Variants in PRKDC observed in about 807,000 individuals in gnomAD.
PRKDC encodes protein kinase, DNA-activated, catalytic subunit, also known as DNA-dependent protein kinase catalytic subunit.
Under a neutral mutation model 486.9 loss-of-function variants are expected in PRKDC, and 82 were observed. That is an observed-to-expected ratio of 0.17 (90% CI 0.14 to 0.20). PRKDC has a LOEUF of 0.20. Among genes scored for constraint, PRKDC ranks in the 10% least tolerant of loss-of-function variants. The probability of loss-of-function intolerance (pLI) is 1.00; values close to 1 mark genes in which losing one functional copy is unlikely to be tolerated. For missense variants in PRKDC, 4,504 were observed against 5,038.2 expected, an observed-to-expected ratio of 0.89 and a Z score of 3.21; for synonymous variants, 1,895 against 1,837.0, an observed-to-expected ratio of 1.03 and a Z score of -0.81.
At chr8:47,930,200 A>C (rs1228936790) in intron 17 of PRKDC, among the ~76,000 whole-genome samples, 188 bp from the exon 18 acceptor site, 3 of 152,204 alleles carry the variant, frequency 2.0e-5, no homozygotes, top group Non-Finnish European at 4.4e-5. Context: ...AAAAATGAAA[A>C]CTGTAACCTA....
At chr8:47,803,042 C>T (rs768346844) in intron 70 of PRKDC, among the ~76,000 whole-genome samples, 2 of 152,194 alleles carry the variant, frequency 1.3e-5, no homozygotes, top group Admixed American at 6.5e-5. Context: ...CCACCTCGGT[C>T]GCCCAAATTG....
rs1027614591 is a variant in PRKDC, at chr8:47,780,941, A to G, written c.11489+1221T>C. On this transcript the variant is annotated intron_variant, in intron 80 of 85. Transcript: ENST00000314191. The stretch of plus-strand genomic sequence containing the variant: ...GATAGAGAGAGACTCTGTCTCAAAA[A>G]AACAAAACACTGTAACATGCTGAAT... Among the ~76,000 whole-genome samples the G allele has an allele frequency of 2.0e-5, 3 of 152,212 alleles. No homozygotes were observed. In the South Asian group the frequency reaches 6.2e-4, roughly 32 times the overall value.
intron 10 of PRKDC, among the ~76,000 whole-genome samples, chr8:47,941,923 G>A (rs1053688213): frequency 2.6e-5 from 4 of 152,258 alleles, no homozygotes; most frequent in East Asian, 1.9e-4. Context: ...TGGCAAGGAT[G>A]TGAAACAGAG....
intron 25 of PRKDC, among the ~76,000 whole-genome samples, chr8:47,911,095 C>G (rs551146899): frequency 6.6e-6 from 1 of 152,106 alleles, no homozygotes; most frequent in African/African-American, 2.4e-5. Context: ...TCTTATCTTA[C>G]AGTATTGAAT....
At chr8:47,950,546 G>T (rs962066333) in intron 7 of PRKDC, among the ~76,000 whole-genome samples, 1 of 149,684 alleles carries the variant, frequency 6.7e-6, no homozygotes, top group Non-Finnish European at 1.5e-5. Flanking sequence ...GGAGAATGGC[G>T]TGAACCCGGA....
intron 32 of PRKDC, among the ~76,000 whole-genome samples, chr8:47,890,032 T>C (rs1383096176): frequency 6.6e-6 from 1 of 152,116 alleles, no homozygotes; most frequent in Non-Finnish European, 1.5e-5. Flanking sequence ...TTTTGACATA[T>C]AACTTCTGAC....
chr8:47,900,531 GA>G, intron 27 of PRKDC, 64 bp from the exon 28 acceptor site: 1 of 1,404,046 alleles, frequency 7.1e-7, no homozygotes. Context: ...ACAAAGAAAA[GA>G]AGGAATGGAA....
chr8:47,957,153 A>G lies in PRKDC; in HGVS notation c.324+18T>C. On this transcript the variant is annotated intron_variant, in intron 3 of 85. Transcript: ENST00000314191. ...ATGTTGATATATAATGTAATAAGGT[A>G]TGTTTTTTAATTCTTACCTTAATTT... The G allele has an allele frequency of 6.8e-7, 1 of 1,481,014 alleles. No individual in the cohort carries two copies. The allele number at this position is 1,481,014 out of a possible 1,614,324, so 91.7% of individuals were successfully genotyped here.
chr8:47,873,743 A>G (rs1440547096), intron 40 of PRKDC, among the ~76,000 whole-genome samples: 1 of 152,182 alleles, frequency 6.6e-6, no homozygotes, highest in Admixed American at 6.5e-5. Context: ...CTTATGTGAA[A>G]TAAGTAAGGC....
In PRKDC at chr8:47,934,985, C is replaced by T. The variant is rs779455060; in HGVS notation, c.1497+24G>A. On this transcript the variant is annotated intron_variant, in intron 14 of 85. Coordinates refer to ENST00000314191, the MANE Select transcript of PRKDC (RefSeq NM_006904.7). Reference sequence around the variant, plus strand: ...CTTTCAGTGATAACAGATTAATTTTCTAAACATTAAATTCAGAATTTACCT... The same window carrying T: ...CTTTCAGTGATAACAGATTAATTTTTTAAACATTAAATTCAGAATTTACCT... 35 of 1,480,092 alleles carry T rather than the reference C, an allele frequency of 2.4e-5. 2 individuals are homozygous for T. The South Asian group carries it at 4.5e-4, about 19-fold the overall frequency. 91.7% of individuals were successfully genotyped at this position (1,480,092 alleles called of 1,614,324 possible).
Position 47,849,231 on chromosome 8 carries a change from T to C in PRKDC, c.7203A>G (p.Val2401=), listed in dbSNP as rs747655918. ...CTGTCATTCCCTCCACACGACAAAG[T>C]ACCACCTCCAGACAGAGTGTTTTCA... ...GVLKTLCLEV[V]LCRVEGMTEL... The change falls in exon 54 of 86, where the codon GTA becomes GTG. Residue 2401 remains valine (V), a synonymous_variant. Coordinates refer to ENST00000314191, the MANE Select transcript of PRKDC (RefSeq NM_006904.7). 2 of 1,614,010 alleles carry C rather than the reference T, an allele frequency of 1.2e-6. No homozygotes were observed. Among genetic ancestry groups the C allele is most frequent in the Non-Finnish European group, 1.7e-6 (2 of 1,179,892 alleles).
At chr8:47,902,008 T>A (rs1015624468) in intron 27 of PRKDC, among the ~76,000 whole-genome samples, 1 of 152,118 alleles carries the variant, frequency 6.6e-6, no homozygotes, top group African/African-American at 2.4e-5. Flanking sequence ...TCTAAATGCA[T>A]CTCTCCCTGC....
At position 47,935,821 on chromosome 8, in the gene PRKDC, A is replaced by G. The variant is rs760725135; in HGVS notation, c.1358T>C (p.Met453Thr). ...IDSFPQYSPK[M>T]QLVCCRAIVK... is the part of the protein sequence containing the mutation. ...TATGGCTCTGCAACACACCAGCTGC[A>G]TTTTTGGACTGTACTGTGGGAAACT... Residue 453 changes from methionine (M) to threonine (T), a missense_variant, in exon 13 of 86, where the codon ATG (methionine) becomes ACG (threonine). By Grantham distance (81) the Met-to-Thr change is moderately conservative. This residue lies in a region of PRKDC where 1,969 missense variants were observed against 2,068.9 expected (regional missense o/e 0.95). Transcript: ENST00000314191. 3 of 1,614,014 alleles carry G rather than the reference A, an allele frequency of 1.9e-6. No individual in the cohort carries two copies. The highest frequency in any genetic ancestry group is 2.5e-6 in the Non-Finnish European group (3 of 1,179,892).
chr8:47,880,812 G>C (rs2089197324), intron 38 of PRKDC, among the ~76,000 whole-genome samples: 1 of 152,060 alleles, frequency 6.6e-6, no homozygotes, highest in Admixed American at 6.6e-5. Context: ...CCAGCACTTT[G>C]GGAGGCCGAG....
intron 9 of PRKDC, 39 bp from the exon 10 acceptor site, chr8:47,943,405 C>T (rs1407438801): frequency 1.9e-6 from 3 of 1,555,772 alleles, no homozygotes; most frequent in South Asian, 2.4e-5. Context: ...AATCAGACGA[C>T]ATAACACAGA....
rs765504667 is a variant in PRKDC at position 47,889,111 on chromosome 8, G to C, written c.4183C>G (p.Leu1395Val). 5.6e-6 allele frequency: 9 copies of C among 1,613,890 alleles called. No homozygotes were observed. Among genetic ancestry groups the C allele is most frequent in the Non-Finnish European group, 7.6e-6 (9 of 1,179,904 alleles). Reference sequence around the variant, plus strand: ...ATCAGATTCACACAAACATCAGGAAGATGAGCCATAACCTGGACGTCTCCG... The same window carrying C: ...ATCAGATTCACACAAACATCAGGAACATGAGCCATAACCTGGACGTCTCCG... The part of the protein sequence containing the change: ...NIGDVQVMAH[L>V]PDVCVNLMKA... Residue 1395 changes from leucine (L) to valine (V), a missense_variant, in exon 33 of 86, where the codon CTT (leucine) becomes GTT (valine). Around this residue, in one of 6 missense-constraint regions of PRKDC, gnomAD observed 1,969 missense variants for 2,068.9 expected, o/e 0.95. Coordinates refer to ENST00000314191, the MANE Select transcript of PRKDC (RefSeq NM_006904.7).
At chr8:47,776,802 T>C in intron 85 of PRKDC, 42 bp downstream of exon 85, 2 of 1,609,378 alleles carry the variant, frequency 1.2e-6, no homozygotes, top group Non-Finnish European at 1.7e-6. Flanking sequence ...AACAGTAGCA[T>C]GTCGGTAGTC....
chr8:47,924,266 A>T (rs1186941829), intron 21 of PRKDC, among the ~76,000 whole-genome samples: 3 of 152,126 alleles, frequency 2.0e-5, no homozygotes, highest in Non-Finnish European at 4.4e-5. Context: ...TTAATGGAAA[A>T]TGAGGTGTGG....
At chr8:47,940,377 CAA>C (rs1481483968) in intron 10 of PRKDC, among the ~76,000 whole-genome samples, 1 of 152,120 alleles carries the variant, frequency 6.6e-6, no homozygotes, top group Non-Finnish European at 1.5e-5. Context: ...CATTTCAGCA[CAA>C]AGACTGCCCA....
Sources: allele counts gnomAD v4.1 joint callset (sites outside exome capture counted in the v4.1 genomes callset), GRCh38; gene constraint gnomAD v4.1.1; regional missense constraint gnomAD v4.1.1; transcripts MANE v1.5; gene names NCBI Gene and HGNC (gene_info 2026-07-23, HGNC 2026-07-21).